Variants in DACH2 observed in about 807,000 individuals in gnomAD.
The protein encoded by DACH2 is dachshund homolog 2.
Under a neutral mutation model 35.8 loss-of-function variants are expected in DACH2, and 17 were observed. That is an observed-to-expected ratio of 0.48 (90% CI 0.33 to 0.71). DACH2 has a LOEUF of 0.71. Ranked by LOEUF, DACH2 falls within the 30% of genes least tolerant of loss-of-function variation. The probability of loss-of-function intolerance (pLI) is 0.02; values close to 1 mark genes in which losing one functional copy is unlikely to be tolerated. For missense variants in DACH2, 469 were observed against 472.7 expected (o/e 0.99, Z 0.07); for synonymous variants, 195 against 177.3 (o/e 1.10, Z -0.79).
chrX:86,305,163 G>A (rs2034658639), intron 1 of DACH2: 2 of 132,277 alleles, frequency 1.5e-5, no homozygotes. Flanking sequence ...GGGGGTACAC[G>A]CTCTATATCT....
At chrX:86,610,422 CTTTCT>C (rs1569452365) in intron 3 of DACH2, among the ~76,000 whole-genome samples, 104 of 45,890 alleles carry the variant, frequency 2.3e-3, no homozygotes, top group African/African-American at 0.01. Flanking sequence ...TCTTTCTTTT[CTTTCT>C]TTCTTTCTTT....
At chrX:86,356,408 C>A (rs1244901312) in intron 1 of DACH2, among the ~76,000 whole-genome samples, 2 of 110,576 alleles carry the variant, frequency 1.8e-5, no homozygotes, top group Non-Finnish European at 3.8e-5. Context: ...TTTTTTTTAG[C>A]AGTACCATGT....
chrX:86,537,398 G>A (rs146938360), intron 3 of DACH2, among the ~76,000 whole-genome samples: 1 of 110,567 alleles, frequency 9.0e-6, no homozygotes, highest in Non-Finnish European at 1.9e-5. Context: ...GTGCGTTTGG[G>A]GTCATTCTCC....
intron 7 of DACH2, among the ~76,000 whole-genome samples, chrX:86,797,299 C>T (rs1418261706): frequency 3.6e-5 from 4 of 110,190 alleles, no homozygotes; most frequent in African/African-American, 9.9e-5. Context: ...ATTTATTTTA[C>T]ATACATAAGT....
chrX:86,177,677 C>T (rs1446354736), intron 1 of DACH2, among the ~76,000 whole-genome samples: 1 of 111,074 alleles, frequency 9.0e-6, no homozygotes, highest in Non-Finnish European at 1.9e-5. Flanking sequence ...CCCATTAGAT[C>T]CTATCACTGA....
chrX:86,445,573 A>G (rs1221341899), intron 2 of DACH2, among the ~76,000 whole-genome samples: 1 of 101,800 alleles, frequency 9.8e-6, no homozygotes. Flanking sequence ...GAACAAAAAA[A>G]AAAAAAAAGA....
chrX:86,716,641 A>G (rs2041339990), intron 6 of DACH2, among the ~76,000 whole-genome samples: 2 of 112,116 alleles, frequency 1.8e-5, no homozygotes, highest in African/African-American at 3.2e-5. Flanking sequence ...TTAAAAGTAC[A>G]TTGGTTTGTT....
intron 1 of DACH2, among the ~76,000 whole-genome samples, chrX:86,180,525 A>G (rs1476513778): frequency 1.8e-5 from 2 of 110,496 alleles, no homozygotes; most frequent in Non-Finnish European, 3.8e-5. Flanking sequence ...ATTGGAACAG[A>G]TAAATTTTCT....
intron 3 of DACH2, among the ~76,000 whole-genome samples, chrX:86,610,383 T>TTCTC (rs2039920174): frequency 1.5e-5 from 1 of 65,384 alleles, no homozygotes; most frequent in Admixed American, 1.7e-4. Flanking sequence ...CTTTCTTTCT[T>TTCTC]TCTTTCTTTC....
At chrX:86,405,459 G>A (rs1602485036) in intron 2 of DACH2, among the ~76,000 whole-genome samples, 1 of 111,452 alleles carries the variant, frequency 9.0e-6, no homozygotes, top group African/African-American at 3.3e-5. Context: ...TTCCCAACAA[G>A]CTTTTCATCT....
intron 2 of DACH2, among the ~76,000 whole-genome samples, chrX:86,395,247 C>G (rs1340125961): frequency 9.0e-6 from 1 of 111,505 alleles, no homozygotes; most frequent in Non-Finnish European, 1.9e-5. Flanking sequence ...ATTTCACTCT[C>G]TCATAAAAGT....
chrX:86,606,508 CTT>C (rs1337141960), intron 3 of DACH2, among the ~76,000 whole-genome samples: 2 of 111,438 alleles, frequency 1.8e-5, no homozygotes, highest in South Asian at 3.6e-4. Context: ...TAAAATTTCT[CTT>C]GTTATTGATT....
At chrX:86,346,751 A>T (rs1309898481) in intron 1 of DACH2, among the ~76,000 whole-genome samples, 2 of 111,718 alleles carry the variant, frequency 1.8e-5, no homozygotes, top group Non-Finnish European at 3.8e-5. Flanking sequence ...TTTTGTGGTG[A>T]TTGTATGCAC....
At chrX:86,207,603 C>T (rs1044801609) in intron 1 of DACH2, among the ~76,000 whole-genome samples, 5 of 110,749 alleles carry the variant, frequency 4.5e-5, no homozygotes, top group Admixed American at 3.9e-4. Flanking sequence ...GATTTTGTTA[C>T]TGATTATGAT....
In DACH2 at chrX:86,606,197, A is replaced by C. The variant is rs185376639; in HGVS notation, c.641-44839A>C. 3.1e-3 allele frequency among the ~76,000 whole-genome samples: 337 copies of C among 110,413 alleles called. 1 individual carries two copies. The highest frequency in any genetic ancestry group is 5.2e-3 in the Non-Finnish European group (276 of 52,636). ...AACTGGGCATGCTTCTTCTGCTCTA[A>C]TCTTTATTATATCTTTTTTCTAGTA... On this transcript the variant is annotated intron_variant, in intron 3 of 11. Coordinates refer to ENST00000373125, the MANE Select transcript of DACH2 (RefSeq NM_053281.3).
intron 1 of DACH2, among the ~76,000 whole-genome samples, chrX:86,254,781 A>ATGT (rs1556004270): frequency 1.4e-3 from 31 of 22,583 alleles, no homozygotes; most frequent in African/African-American, 5.1e-3. Flanking sequence ...CAAATAAATA[A>ATGT]ATATATATAT....
chrX:86,729,745 G>A (rs1447184266), intron 6 of DACH2, among the ~76,000 whole-genome samples: 2 of 110,873 alleles, frequency 1.8e-5, no homozygotes, highest in African/African-American at 6.6e-5. Flanking sequence ...ATGAGATCTG[G>A]TTATTTAAAA....
chrX:86,314,641 T>C (rs958425186), intron 1 of DACH2, among the ~76,000 whole-genome samples: 1 of 112,113 alleles, frequency 8.9e-6, no homozygotes, highest in Non-Finnish European at 1.9e-5. Flanking sequence ...GAAAACGTTT[T>C]TGAGGAAAGT....
chrX:86,290,954 TG>T (rs1347485272), intron 1 of DACH2, among the ~76,000 whole-genome samples: 1 of 110,110 alleles, frequency 9.1e-6, no homozygotes, highest in Non-Finnish European at 1.9e-5. Flanking sequence ...TTTCCAATTC[TG>T]TGAAGAAAGT....
Sources: gnomAD v4.1 joint callset for allele counts (sites outside exome capture counted in the v4.1 genomes callset) on GRCh38, gnomAD v4.1.1 for gene constraint, MANE v1.5 for transcripts, NCBI Gene and HGNC (gene_info 2026-07-23, HGNC 2026-07-21) for gene names.